ANK2: variants seen among roughly 807,000 people sequenced by gnomAD.
ANK2 encodes the protein ankyrin-2.
ANK2 carries 83 observed loss-of-function variants against 360.5 expected under a neutral mutation model. That is an observed-to-expected ratio of 0.23 (90% CI 0.19 to 0.28). ANK2 has a LOEUF of 0.28. ANK2 is among the 10% of genes least tolerant of loss of function. ANK2 has a pLI of 1.00. For synonymous variants in ANK2, 1,740 were observed against 1,759.5 expected, an observed-to-expected ratio of 0.99 and a Z score of 0.28; for missense variants, 4,201 against 4,795.7, an observed-to-expected ratio of 0.88 and a Z score of 3.66.
At chr4:113,065,853 A>G (rs1254182149) in intron 1 of ANK2, among the ~76,000 whole-genome samples, 5 of 152,200 alleles carry the variant, frequency 3.3e-5, no homozygotes, top group African/African-American at 7.2e-5. Flanking sequence ...CAATTGCTTC[A>G]TGAGAACTTG....
chr4:112,761,433 A>C, the ANK2 span, among the ~76,000 whole-genome samples: 1 of 152,080 alleles, frequency 6.6e-6, no homozygotes, highest in East Asian at 1.9e-4. Context: ...ATCCTGGCTA[A>C]CACGGTGAAA....
At chr4:112,716,543 A>G in the ANK2 span, among the ~76,000 whole-genome samples, 40 of 152,314 alleles carry the variant, frequency 2.6e-4, no homozygotes, top group East Asian at 7.7e-3. Context: ...GGTTAACTAA[A>G]TGTCCCTTAT....
At chr4:113,098,472 C>A (rs1443146476) in intron 1 of ANK2, among the ~76,000 whole-genome samples, 1 of 151,950 alleles carries the variant, frequency 6.6e-6, no homozygotes, top group East Asian at 1.9e-4. Flanking sequence ...AAAGTACAAT[C>A]TACCAAAACC....
the ANK2 span, among the ~76,000 whole-genome samples, chr4:112,754,144 T>C: frequency 8.5e-6 from 1 of 116,978 alleles, no homozygotes; most frequent in African/African-American, 3.1e-5. Context: ...TATATATATA[T>C]ATATAAAATT....
intron 1 of ANK2, among the ~76,000 whole-genome samples, chr4:113,057,963 CTT>C (rs1343052421): frequency 6.6e-6 from 1 of 152,114 alleles, no homozygotes; most frequent in Non-Finnish European, 1.5e-5. Context: ...TGCAGGCTGA[CTT>C]TGAGTTTGCT....
chr4:113,220,597 A>C (rs362471), intron 4 of ANK2, among the ~76,000 whole-genome samples: 4,249 of 152,304 alleles, frequency 0.028, 97 homozygotes, highest in East Asian at 0.068. Context: ...AAGACATAAA[A>C]AACAGAATTA....
chr4:113,048,527 C>A (rs1421872648), upstream of ANK2, among the ~76,000 whole-genome samples: 1 of 150,134 alleles, frequency 6.7e-6, no homozygotes, highest in Non-Finnish European at 1.5e-5. Context: ...CCTGCCTTGG[C>A]CTCCCAAAAT....
chr4:113,355,595 A>G lies in ANK2; in HGVS notation c.6977A>G (p.Asp2326Gly), dbSNP rs777618921. ...PKDTSPKRQDDCTGSCSVALA... is the reference protein window; with the variant it reads ...PKDTSPKRQDGCTGSCSVALA... ...GACACAAGCCCTAAAAGACAAGATG[A>G]TTGCACAGGCAGCTGTAGTGTAGCA... The change falls in exon 38 of 46, where the codon GAT (aspartate) becomes GGT (glycine). Residue 2326 changes from aspartate to glycine, a missense_variant. By Grantham distance (94) the Asp-to-Gly change is moderately conservative. Coordinates refer to ENST00000357077, the MANE Select transcript of ANK2 (RefSeq NM_001148.6). 33 of 1,614,000 alleles carry G rather than the reference A, an allele frequency of 2.0e-5. No individual in the cohort carries two copies. The highest frequency in any genetic ancestry group is 1.6e-4 in the Middle Eastern group (1 of 6,084).
Position 113,249,839 on chromosome 4 carries a change from G to T in ANK2, c.967G>T (p.Ala323Ser). The change falls in exon 10 of 46, where the codon GCC (alanine) becomes TCC (serine). Residue 323 changes from alanine (A) to serine (S), a missense_variant. Physicochemically the swap from Ala to Ser is moderately conservative, Grantham distance 99 (BLOSUM62 1). Around this residue, in one of 4 missense-constraint regions of ANK2, gnomAD observed 122 missense variants for 239.3 expected, o/e 0.51. Transcript: ENST00000357077. ...QVVELLLERG[A>S]PLLARTKNGL... ...GGTGGAACTTCTGTTGGAACGGGGT[G>T]CCCCCTTGCTGGCAAGGACTAAGGT... The T allele has an allele frequency of 6.2e-7, 1 of 1,614,104 alleles. No homozygotes were observed. The highest frequency in any genetic ancestry group is 2.2e-5 in the East Asian group (1 of 44,876).
intron 2 of ANK2, among the ~76,000 whole-genome samples, chr4:113,025,090 C>T (rs1186484341): frequency 2.0e-5 from 3 of 151,864 alleles, no homozygotes; most frequent in East Asian, 3.9e-4. Context: ...CTAATTCTTA[C>T]ATCCATAATT....
chr4:113,056,273 T>G (rs2154330226), intron 1 of ANK2, among the ~76,000 whole-genome samples: 1 of 152,312 alleles, frequency 6.6e-6, no homozygotes, highest in East Asian at 1.9e-4. Flanking sequence ...AGTATGATAT[T>G]CTCAGTAGTT....
At chr4:113,173,462 A>G (rs1164459287) in intron 1 of ANK2, among the ~76,000 whole-genome samples, 1 of 152,094 alleles carries the variant, frequency 6.6e-6, no homozygotes, top group African/African-American at 2.4e-5. Flanking sequence ...TCATGCCTCC[A>G]TTTTCTCTTT....
intron 5 of ANK2, among the ~76,000 whole-genome samples, chr4:113,236,132 T>C (rs2099379738): frequency 6.6e-6 from 1 of 151,904 alleles, no homozygotes; most frequent in Admixed American, 6.6e-5. Flanking sequence ...CTTTTGTGGA[T>C]TAAGGATGTT....
At chr4:113,047,237 T>C (rs2064808759), upstream of ANK2, among the ~76,000 whole-genome samples, 1 of 152,230 alleles carries the variant, frequency 6.6e-6, no homozygotes, top group African/African-American at 2.4e-5. Context: ...GAGCATTCCT[T>C]AGCACCTTGT....
chr4:112,993,703 G>A (rs1053535314), intron 2 of ANK2, among the ~76,000 whole-genome samples: 1 of 91,380 alleles, frequency 1.1e-5, no homozygotes, highest in Non-Finnish European at 2.1e-5. Context: ...ACATTCTATT[G>A]GCAACTGCAT....
At chr4:113,167,016 T>TTTA (rs2097773787) in intron 1 of ANK2, among the ~76,000 whole-genome samples, 1 of 152,176 alleles carries the variant, frequency 6.6e-6, no homozygotes, top group African/African-American at 2.4e-5. Flanking sequence ...AGAACAAAAC[T>TTTA]CTATGTATTT....
chr4:113,377,309 A>G (rs1589420758), intron 45 of ANK2, among the ~76,000 whole-genome samples: 1 of 152,184 alleles, frequency 6.6e-6, no homozygotes, highest in East Asian at 1.9e-4. Context: ...ACATTGCACC[A>G]TGAAGTTAGA....
chr4:112,983,467 G>A (rs528662112), intron 2 of ANK2, among the ~76,000 whole-genome samples: 11 of 151,820 alleles, frequency 7.2e-5, no homozygotes, highest in Admixed American at 2.6e-4. Flanking sequence ...ACCTGAGGTT[G>A]GGAGATCGAG....
chr4:112,732,246 ATTT>A, the ANK2 span, among the ~76,000 whole-genome samples: 2 of 134,202 alleles, frequency 1.5e-5, no homozygotes, highest in African/African-American at 2.7e-5. Flanking sequence ...CAGAGTAGGG[ATTT>A]TTTTTTTTTT....
Sources: allele counts gnomAD v4.1 joint callset (sites outside exome capture counted in the v4.1 genomes callset), GRCh38; gene constraint gnomAD v4.1.1; regional missense constraint gnomAD v4.1.1; transcripts MANE v1.5; gene names NCBI Gene and HGNC (gene_info 2026-07-23, HGNC 2026-07-21).